Variants in PDE1C observed in about 807,000 individuals in gnomAD.
PDE1C encodes phosphodiesterase 1C.
A neutral mutation model predicts 93.1 loss-of-function variants in PDE1C; 62 were observed. That is an observed-to-expected ratio of 0.67 (90% confidence interval 0.54 to 0.82). The LOEUF (loss-of-function observed/expected upper bound fraction) is 0.82. PDE1C is among the 40% of genes least tolerant of loss of function. The pLI, the probability that PDE1C is intolerant of heterozygous loss-of-function variation, is 0.00. For synonymous variants in PDE1C, 325 were observed against 310.1 expected (o/e 1.05, Z -0.50); for missense variants, 742 against 884.6 (o/e 0.84, Z 2.04).
At chr7:31,698,792 G>A in the PDE1C span, among the ~76,000 whole-genome samples, 783 of 152,300 alleles carry the variant, frequency 5.1e-3, 21 homozygotes, top group Admixed American at 0.047. Context: ...TGCTTCTTTA[G>A]ATTTCCAAGG....
chr7:31,966,371 C>G (rs939966043), intron 2 of PDE1C, among the ~76,000 whole-genome samples: 68 of 152,286 alleles, frequency 4.5e-4, no homozygotes, highest in African/African-American at 1.4e-3. Context: ...AAGGCCATTA[C>G]ATAATGGTAA....
At chr7:31,703,990 G>C in the PDE1C span, among the ~76,000 whole-genome samples, 1 of 152,186 alleles carries the variant, frequency 6.6e-6, no homozygotes, top group Non-Finnish European at 1.5e-5. Flanking sequence ...GTTCTGACTA[G>C]TCAGATCTGG....
At chr7:32,373,697 G>C (rs1444845208) in intron 1 of PDE1C, among the ~76,000 whole-genome samples, 1 of 152,178 alleles carries the variant, frequency 6.6e-6, no homozygotes, top group Non-Finnish European at 1.5e-5. Flanking sequence ...CCATAGAAAA[G>C]TGAGACCTGT....
intron 2 of PDE1C, among the ~76,000 whole-genome samples, chr7:31,929,725 C>A (rs1803924917): frequency 6.6e-6 from 1 of 152,278 alleles, no homozygotes; most frequent in East Asian, 1.9e-4. Context: ...TAAATAAGTT[C>A]TTTGAAACCA....
intron 14 of PDE1C, among the ~76,000 whole-genome samples, chr7:31,819,979 C>T (rs986081993): frequency 2.0e-5 from 3 of 152,088 alleles, no homozygotes; most frequent in Non-Finnish European, 1.5e-5. Context: ...CATTTAAGAA[C>T]ATAGAAGGTG....
At chr7:32,157,542 G>GA (rs1801651735) in intron 3 of PDE1C, among the ~76,000 whole-genome samples, 1 of 11,656 alleles carries the variant, frequency 8.6e-5, no homozygotes, top group Admixed American at 1.3e-3. Flanking sequence ...CCAGAGTGGA[G>GA]CCAGCCAAAA....
the PDE1C span, among the ~76,000 whole-genome samples, chr7:31,695,277 C>T: frequency 1.3e-5 from 2 of 152,024 alleles, no homozygotes; most frequent in Non-Finnish European, 2.9e-5. Flanking sequence ...TTCTAGTTTT[C>T]GATTTTGTTA....
At chr7:31,808,655 T>C (rs1277775828) in intron 16 of PDE1C, among the ~76,000 whole-genome samples, 3 of 151,996 alleles carry the variant, frequency 2.0e-5, no homozygotes, top group Non-Finnish European at 4.4e-5. Context: ...ATGGAACATT[T>C]CTTATTTATG....
chr7:32,409,132 A>C (rs1785115252), intron 1 of PDE1C, among the ~76,000 whole-genome samples: 1 of 152,146 alleles, frequency 6.6e-6, no homozygotes, highest in African/African-American at 2.4e-5. Context: ...CAAGGTGGGC[A>C]GATTGCTTAA....
At chr7:31,965,293 G>A (rs1387546307) in intron 2 of PDE1C, among the ~76,000 whole-genome samples, 6 of 152,194 alleles carry the variant, frequency 3.9e-5, no homozygotes, top group Non-Finnish European at 8.8e-5. Flanking sequence ...ACTATGGCAC[G>A]AGAACTATGT....
At chr7:32,080,104 G>A (rs1796573042) in intron 3 of PDE1C, among the ~76,000 whole-genome samples, 2 of 152,188 alleles carry the variant, frequency 1.3e-5, no homozygotes, top group Admixed American at 1.3e-4. Flanking sequence ...AGGAGTTGAA[G>A]GGCTTATAAG....
At chr7:32,170,029 C>G in intron 2 of PDE1C, 1 of 1,308,956 alleles carries the variant, frequency 7.6e-7, no homozygotes. Context: ...TTCCCCAACT[C>G]AGGATCTTCC....
chr7:32,105,494 A>G (rs1430115279), intron 3 of PDE1C, among the ~76,000 whole-genome samples: 1 of 152,208 alleles, frequency 6.6e-6, no homozygotes, highest in Non-Finnish European at 1.5e-5. Flanking sequence ...CCTTATCCCA[A>G]TAAGACTGAA....
the PDE1C span, among the ~76,000 whole-genome samples, chr7:31,630,823 A>G: frequency 5.3e-5 from 8 of 152,170 alleles, no homozygotes; most frequent in Non-Finnish European, 1.2e-4. Flanking sequence ...AAATATACCA[A>G]AAAGTATGTC....
intron 3 of PDE1C, among the ~76,000 whole-genome samples, chr7:32,076,856 T>C (rs1313988763): frequency 6.6e-6 from 1 of 151,542 alleles, no homozygotes; most frequent in African/African-American, 2.4e-5. Context: ...CTTAAACTAG[T>C]TTGAGTCAGA....
intron 1 of PDE1C, among the ~76,000 whole-genome samples, chr7:32,316,350 G>A (rs111661082): frequency 1.1e-3 from 161 of 152,252 alleles, no homozygotes; most frequent in African/African-American, 3.8e-3. Flanking sequence ...AAACAAGAAC[G>A]CACATCTGCC....
intron 1 of PDE1C, among the ~76,000 whole-genome samples, chr7:32,276,767 A>G (rs979295277): frequency 1.3e-5 from 2 of 152,234 alleles, no homozygotes; most frequent in Admixed American, 1.3e-4. Context: ...CCCGGTCCAC[A>G]AGAACCACTC....
the PDE1C span, among the ~76,000 whole-genome samples, chr7:31,648,627 T>C: frequency 6.6e-6 from 1 of 152,146 alleles, no homozygotes; most frequent in Non-Finnish European, 1.5e-5. Context: ...TACATGAGCA[T>C]AAAATTCAAT....
chr7:31,789,686 A>T (rs1042391017), intron 16 of PDE1C: 2 of 984,852 alleles, frequency 2.0e-6, no homozygotes, highest in Non-Finnish European at 2.4e-6. Context: ...TCTGAAAGGA[A>T]ATTGGAGAAA....
Sources: allele counts gnomAD v4.1 joint callset (sites outside exome capture counted in the v4.1 genomes callset), GRCh38; gene constraint gnomAD v4.1.1; transcripts MANE v1.5; gene names NCBI Gene and HGNC (gene_info 2026-07-23, HGNC 2026-07-21).